The following ITIH1 variants were observed in gnomAD, a reference collection of about 807,000 sequenced individuals.
The protein encoded by ITIH1 is inter-alpha-trypsin inhibitor heavy chain H1.
Under a neutral mutation model 104.6 loss-of-function variants are expected in ITIH1, and 94 were observed. That is an observed-to-expected ratio of 0.90 (90% CI 0.76 to 1.07). ITIH1 has a LOEUF of 1.07. Among genes scored for constraint, ITIH1 ranks in the 50% least tolerant of loss-of-function variants. The probability of loss-of-function intolerance (pLI) is 0.00; values close to 1 mark genes in which losing one functional copy is unlikely to be tolerated. For missense variants in ITIH1, 1,193 were observed against 1,181.4 expected, an observed-to-expected ratio of 1.01 and a Z score of -0.14; for synonymous variants, 455 against 464.4, an observed-to-expected ratio of 0.98 and a Z score of 0.26.
At chr3:52,785,449 T>C (rs1025006747) in intron 12 of ITIH1, among the ~76,000 whole-genome samples, 2 of 152,220 alleles carry the variant, frequency 1.3e-5, no homozygotes, top group Non-Finnish European at 2.9e-5. Flanking sequence ...CCTTTATCAG[T>C]TGCAGTCCCT....
chr3:52,785,239 G>A lies in ITIH1; in HGVS notation c.1593+10G>A, dbSNP rs1272650588. On this transcript the variant is annotated intron_variant, in intron 12 of 21. Transcript: ENST00000273283. ...TGTGCAGGCCCATGGGGTAAATGGT[G>A]GGCCATGGAGGGTGGAGAGGCCAGG... 6.2e-7 allele frequency: 1 copy of A among 1,612,888 alleles called. No homozygotes were observed. The highest frequency in any genetic ancestry group is 1.7e-5 in the Admixed American group (1 of 59,982).
At chr3:52,778,263 A>G (rs894356028) in intron 2 of ITIH1, 77 bp from the exon 3 acceptor site, 2 of 1,457,710 alleles carry the variant, frequency 1.4e-6, no homozygotes, top group Non-Finnish European at 1.9e-6. Flanking sequence ...GCTAAGTGCC[A>G]AGTCCCCGTA....
At chr3:52,789,616 C>G in intron 18 of ITIH1, 37 bp from the exon 19 acceptor site, 2 of 1,590,908 alleles carry the variant, frequency 1.3e-6, no homozygotes, top group Middle Eastern at 1.7e-4. Flanking sequence ...GCAGGCAGGC[C>G]CCTTCCCAAC....
intron 1 of ITIH1, 97 bp downstream of exon 1, chr3:52,777,829 C>A: frequency 7.4e-7 from 1 of 1,349,554 alleles, no homozygotes; most frequent in Non-Finnish European, 1.0e-6. Context: ...CAGGGTCACC[C>A]CCACCACCTC....
At position 52,783,089 on chromosome 3, in the gene ITIH1, G is replaced by C; in HGVS notation, c.1063G>C (p.Ala355Pro). ...AGCATCTGAGGCCAACCTACAAGCA[G>C]CTCAAGACTTTGTGCGGGGCTTTTC... is the stretch of plus-strand genomic sequence containing the variant. ...VQASEANLQA[A>P]QDFVRGFSLD... is the part of the protein sequence containing the mutation. The change falls in exon 9 of 22, where the codon GCT becomes CCT. Residue 355 changes from alanine to proline, a missense_variant. Coordinates refer to ENST00000273283, the MANE Select transcript of ITIH1 (RefSeq NM_002215.4). The C allele has an allele frequency of 6.2e-7, 1 of 1,614,116 alleles. No individual in the cohort carries two copies. Among genetic ancestry groups the C allele is most frequent in the South Asian group, 1.1e-5 (1 of 91,078 alleles).
At chr3:52,781,509 C>A (rs892327743) in intron 6 of ITIH1, among the ~76,000 whole-genome samples, 10 of 152,030 alleles carry the variant, frequency 6.6e-5, no homozygotes, top group Non-Finnish European at 1.5e-4. Flanking sequence ...CTTCCCCAAG[C>A]ACATCACCAA....
rs750344838 is a variant in ITIH1, at chr3:52,778,424, G to A, written c.223G>A (p.Val75Met). The A allele has an allele frequency of 1.2e-6, 2 of 1,614,232 alleles. No homozygotes were observed. Among genetic ancestry groups the A allele is most frequent in the South Asian group, 2.2e-5 (2 of 91,086 alleles). ...CGCCCACTATGTTGTCACCAGCCAAGTGGTCAACACTGCCAATGAAGCCAG... is the reference window on the plus strand; with the variant it reads ...CGCCCACTATGTTGTCACCAGCCAAATGGTCAACACTGCCAATGAAGCCAG... ...RFAHYVVTSQ[V>M]VNTANEAREV... The change falls in exon 3 of 22, where the codon GTG becomes ATG. Residue 75 changes from valine to methionine, a missense_variant. Transcript: ENST00000273283.
chr3:52,778,005 G>C lies in ITIH1; in HGVS notation c.126G>C (p.Gln42His), dbSNP rs1390780942. The change falls in exon 2 of 22, where the codon CAG becomes CAC. Residue 42 changes from glutamine to histidine, a missense_variant. By Grantham distance (24) the Gln-to-His change is conservative. Transcript: ENST00000273283. ...CTGATTTTGTTTTGCAGAAGCGACA[G>C]GCTGTGGACACCGTGAGTAAGAGTC... ...TGRSKSSEKR[Q>H]AVDTAVDGVF... is the part of the protein sequence containing the mutation. 5 of 1,614,128 alleles carry C rather than the reference G, an allele frequency of 3.1e-6. No individual in the cohort carries two copies. The highest frequency in any genetic ancestry group is 4.2e-6 in the Non-Finnish European group (5 of 1,180,052).
At chr3:52,791,139 G>A (rs1199473395) in intron 20 of ITIH1, among the ~76,000 whole-genome samples, 2 of 152,152 alleles carry the variant, frequency 1.3e-5, no homozygotes, top group Non-Finnish European at 2.9e-5. Flanking sequence ...GAGCAAGTGA[G>A]GGGCAGAGGT....
chr3:52,785,737 C>T (rs1699181060), intron 12 of ITIH1, among the ~76,000 whole-genome samples: 1 of 152,192 alleles, frequency 6.6e-6, no homozygotes, highest in Non-Finnish European at 1.5e-5. Flanking sequence ...TGAGCTGGAC[C>T]TTGGCTCCAT....
At chr3:52,778,062 T>A (rs1408185204) in intron 2 of ITIH1, 45 bp downstream of exon 2, 1 of 1,609,994 alleles carries the variant, frequency 6.2e-7, no homozygotes, top group Admixed American at 1.7e-5. Context: ...GAGCCCTTTT[T>A]ACAGGCTTGC....
At chr3:52,784,733 G>C (rs750419827) in intron 11 of ITIH1, among the ~76,000 whole-genome samples, 75 of 152,236 alleles carry the variant, frequency 4.9e-4, no homozygotes, top group Non-Finnish European at 8.7e-4. Flanking sequence ...AAATTAGCCA[G>C]GTGTGGTGGT....
rs186672250 is a variant in ITIH1 at position 52,780,276 on chromosome 3, T to G, written c.581T>G (p.Val194Gly). 1 of 1,611,344 alleles carries G rather than the reference T, an allele frequency of 6.2e-7. No homozygotes were observed. Reference protein sequence around the residue: ...KQLVHHFEIDVDIFEPQGISK... With the variant: ...KQLVHHFEIDGDIFEPQGISK... The stretch of plus-strand genomic sequence containing the variant: ...TTTGCTTCAATGTTGCAGATTGATG[T>G]GGACATCTTCGAGCCCCAGGGGATC... The change falls in exon 6 of 22, where the codon GTG becomes GGG. Residue 194 changes from valine to glycine, a missense_variant. Coordinates refer to ENST00000273283, the MANE Select transcript of ITIH1 (RefSeq NM_002215.4).
chr3:52,786,937 G>T lies in ITIH1; in HGVS notation c.1734-8G>T, dbSNP rs1699218748. On this transcript the variant is annotated splice_polypyrimidine_tract_variant and splice_region_variant and intron_variant, in intron 13 of 21. Transcript: ENST00000273283. Reference sequence around the variant, plus strand: ...GGGGCTTGGAGCCAGCCTCTGTCTTGAATGCAGGATGAAGGTGGACAGGGA... The same window carrying T: ...GGGGCTTGGAGCCAGCCTCTGTCTTTAATGCAGGATGAAGGTGGACAGGGA... 2 of 1,607,634 alleles carry T rather than the reference G, an allele frequency of 1.2e-6. No homozygotes were observed.
chr3:52,784,394 A>G lies in ITIH1; in HGVS notation c.1324A>G (p.Asn442Asp). The stretch of plus-strand genomic sequence containing the variant: ...GGGTTTCGGCCACAATGTGGACTTT[A>G]ACTTTCTGGAGGTCATGTCCATGGA... ...NLGFGHNVDF[N>D]FLEVMSMENN... is the part of the protein sequence containing the mutation. The change falls in exon 11 of 22, where the codon AAC (asparagine) becomes GAC (aspartate). Residue 442 changes from asparagine (N) to aspartate (D), a missense_variant. Transcript: ENST00000273283. 2 of 1,614,100 alleles carry G rather than the reference A, an allele frequency of 1.2e-6. No individual in the cohort carries two copies. Among genetic ancestry groups the G allele is most frequent in the South Asian group, 2.2e-5 (2 of 91,078 alleles).
intron 13 of ITIH1, 74 bp downstream of exon 13, chr3:52,786,508 G>A: frequency 7.0e-7 from 1 of 1,423,872 alleles, no homozygotes; most frequent in East Asian, 2.5e-5. Context: ...GGTGAGCAGA[G>A]GAGGGGTGGT....
Position 52,778,506 on chromosome 3 carries a change from T to C in ITIH1, c.305T>C (p.Val102Ala). ...PKTAFISDFAVTADGNAFIGD... is the reference protein window; with the variant it reads ...PKTAFISDFAATADGNAFIGD... ...ACAGCATTCATCAGTGACTTTGCCG[T>C]GTGCGTGCCTGCCCAACTCCCATGC... is the stretch of plus-strand genomic sequence containing the variant. The change falls in exon 3 of 22, where the codon GTT (valine) becomes GCT (alanine). Residue 102 changes from valine to alanine, a missense_variant and splice_region_variant. Physicochemically the swap from Val to Ala is moderately conservative, Grantham distance 64. Coordinates refer to ENST00000273283, the MANE Select transcript of ITIH1 (RefSeq NM_002215.4). 6.2e-7 allele frequency: 1 copy of C among 1,614,144 alleles called. No homozygotes were observed. Among genetic ancestry groups the C allele is most frequent in the Non-Finnish European group, 8.5e-7 (1 of 1,179,992 alleles).
At chr3:52,787,751 C>G (rs1699238582) in intron 16 of ITIH1, 139 bp downstream of exon 16, 10 of 1,089,848 alleles carry the variant, frequency 9.2e-6, no homozygotes, top group Non-Finnish European at 1.3e-5. Flanking sequence ...AGCCTGGCCT[C>G]CCCAGCCTGA....
At chr3:52,780,503 A>T (rs935590854) in intron 6 of ITIH1, 121 bp downstream of exon 6, 3 of 657,506 alleles carry the variant, frequency 4.6e-6, no homozygotes, top group Non-Finnish European at 8.0e-6. Context: ...TGCCCTCAGG[A>T]TGAGAGAAGC....
Sources: gnomAD v4.1 joint callset for allele counts (sites outside exome capture counted in the v4.1 genomes callset) on GRCh38, gnomAD v4.1.1 for gene constraint, MANE v1.5 for transcripts, NCBI Gene and HGNC (gene_info 2026-07-23, HGNC 2026-07-21) for gene names.